Variants in PRDM16 observed in about 807,000 individuals in gnomAD.
PRDM16 encodes histone-lysine N-methyltransferase PRDM16.
A neutral mutation model predicts 110.6 loss-of-function variants in PRDM16; 23 were observed. The ratio of observed to expected loss-of-function variants is 0.21; its 90% CI spans 0.15 to 0.29. The LOEUF is 0.29. Ranked by LOEUF, PRDM16 falls within the 10% of genes least tolerant of loss-of-function variation. PRDM16 has a pLI of 1.00. For missense variants in PRDM16, 1,615 were observed against 1,794.3 expected, an observed-to-expected ratio of 0.90 and a Z score of 1.81; for synonymous variants, 799 against 781.8, an observed-to-expected ratio of 1.02 and a Z score of -0.37.
intron 1 of PRDM16, among the ~76,000 whole-genome samples, chr1:3,070,060 G>C (rs1237865974): frequency 6.6e-6 from 1 of 151,984 alleles, no homozygotes; most frequent in Admixed American, 6.5e-5. Flanking sequence ...CGGGGCGACA[G>C]TGCCTCCGAC....
chr1:3,214,467 C>T (rs1163448030), intron 2 of PRDM16, among the ~76,000 whole-genome samples: 6 of 152,154 alleles, frequency 3.9e-5, no homozygotes, highest in Non-Finnish European at 5.9e-5. Flanking sequence ...GAGGCCAAGA[C>T]GGGCAGATCA....
intron 10 of PRDM16, 49 bp from the exon 11 acceptor site, chr1:3,417,779 A>T (rs1370144539): frequency 6.4e-7 from 1 of 1,554,332 alleles, no homozygotes; most frequent in Non-Finnish European, 8.9e-7. Context: ...GCCCCTGAAG[A>T]CAGGTGAGAG....
intron 1 of PRDM16, among the ~76,000 whole-genome samples, chr1:3,089,878 C>A (rs1212142386): frequency 6.6e-6 from 1 of 152,132 alleles, no homozygotes; most frequent in African/African-American, 2.4e-5. Context: ...GCAGAGAAAG[C>A]TGCTCAGAAC....
intron 1 of PRDM16, among the ~76,000 whole-genome samples, chr1:3,178,016 C>G (rs1290744285): frequency 6.6e-6 from 1 of 152,156 alleles, no homozygotes; most frequent in East Asian, 1.9e-4. Flanking sequence ...GTCTTGCTGC[C>G]TCTGGGCAGG....
intron 1 of PRDM16, among the ~76,000 whole-genome samples, chr1:3,160,201 G>A (rs542842650): frequency 2.0e-5 from 3 of 152,308 alleles, no homozygotes; most frequent in South Asian, 4.1e-4. Flanking sequence ...GGGGATCCCC[G>A]GTGAGGCCGC....
chr1:3,182,670 G>T (rs895299893), intron 1 of PRDM16, among the ~76,000 whole-genome samples: 7 of 152,128 alleles, frequency 4.6e-5, no homozygotes, highest in African/African-American at 1.7e-4. Context: ...CAGCCAGCTC[G>T]GTCTCTGTCC....
chr1:3,427,449 C>T (rs1367920981), intron 14 of PRDM16, among the ~76,000 whole-genome samples: 1 of 152,180 alleles, frequency 6.6e-6, no homozygotes, highest in Non-Finnish European at 1.5e-5. Flanking sequence ...GCTCTGTACC[C>T]ACAGGGCCCA....
In PRDM16 at chr1:3,412,684, G is replaced by T; in HGVS notation, c.2487G>T (p.Gly829=). ...AGCCCCGCAAGAACCACGTCTATGG[G>T]GAACGCAAGCTGGGCGCCGGCGAGG... ...GREPRKNHVY[G]ERKLGAGEGL... The change falls in exon 9 of 17, where the codon GGG becomes GGT. Residue 829 remains glycine, a synonymous_variant. Transcript: ENST00000270722. The T allele has an allele frequency of 3.3e-6, 5 of 1,504,202 alleles. No individual in the cohort carries two copies. Among genetic ancestry groups the T allele is most frequent in the Non-Finnish European group, 3.5e-6 (4 of 1,127,298 alleles). 93.2% of individuals were successfully genotyped at this position (1,504,202 alleles called of 1,614,324 possible).
In PRDM16 at chr1:3,081,015, G is replaced by C. The variant is rs1642012994; in HGVS notation, c.37+11719G>C. 6.6e-6 allele frequency among the ~76,000 whole-genome samples: 1 copy of C among 152,028 alleles called. No homozygotes were observed. The highest frequency in any genetic ancestry group is 1.5e-5 in the Non-Finnish European group (1 of 68,008). ...TCATGAACAAAAGGCCTAAAAAAAA[G>C]CAGAGAGTAAGGGAGCTCAGAGAAT... is the stretch of plus-strand genomic sequence containing the variant. On this transcript the variant is annotated intron_variant, in intron 1 of 16. Coordinates refer to ENST00000270722, the MANE Select transcript of PRDM16 (RefSeq NM_022114.4). The surrounding 1 kb of genome is among the most constrained non-coding windows in gnomAD (Gnocchi z 4.6).
intron 1 of PRDM16, among the ~76,000 whole-genome samples, chr1:3,108,913 A>G (rs941121703): frequency 2.0e-5 from 3 of 151,774 alleles, no homozygotes; most frequent in Admixed American, 6.6e-5. Flanking sequence ...TAAAAAAAAA[A>G]AAATACAAAA....
At position 3,411,521 on chromosome 1, in the gene PRDM16, C is replaced by T. The variant is rs772868294; in HGVS notation, c.1324C>T (p.Arg442Trp). 3.1e-6 allele frequency: 5 copies of T among 1,614,156 alleles called. No homozygotes were observed. The highest frequency in any genetic ancestry group is 2.7e-5 in the African/African-American group (2 of 75,054). ...CACTACCTCCTCCCTCAACAAGCAC[C>T]GGCGCTTCTGCGAGGGCAAGAACCA... ...FSTTSSLNKH[R>W]RFCEGKNHYT... The change falls in exon 9 of 17, where the codon CGG (arginine) becomes TGG (tryptophan). Residue 442 changes from arginine to tryptophan, a missense_variant. Coordinates refer to ENST00000270722, the MANE Select transcript of PRDM16 (RefSeq NM_022114.4).
intron 1 of PRDM16, among the ~76,000 whole-genome samples, chr1:3,181,050 TC>T (rs1425388716): frequency 1.5e-5 from 2 of 132,930 alleles, no homozygotes; most frequent in Non-Finnish European, 3.3e-5. Flanking sequence ...ACACACGCAG[TC>T]TTACACGCGG....
intron 8 of PRDM16, among the ~76,000 whole-genome samples, chr1:3,409,880 G>C (rs1364004803): frequency 1.0e-5 from 1 of 99,330 alleles, no homozygotes; most frequent in Non-Finnish European, 1.9e-5. Flanking sequence ...CATGTGTGTG[G>C]TTGTGTGCAT....
At chr1:3,415,617 C>T (rs1419647438) in intron 10 of PRDM16, among the ~76,000 whole-genome samples, 3 of 152,226 alleles carry the variant, frequency 2.0e-5, no homozygotes, top group Non-Finnish European at 2.9e-5. Flanking sequence ...TTTGTTTGTG[C>T]GGGGAGCGAG....
intron 1 of PRDM16, among the ~76,000 whole-genome samples, chr1:3,084,091 C>T (rs543248287): frequency 1.3e-5 from 2 of 152,336 alleles, no homozygotes; most frequent in South Asian, 4.1e-4. Context: ...TGGGGACGAC[C>T]GAATCCCAGC....
intron 4 of PRDM16, among the ~76,000 whole-genome samples, chr1:3,387,341 C>T (rs1306016791): frequency 6.6e-6 from 1 of 152,218 alleles, no homozygotes; most frequent in Non-Finnish European, 1.5e-5. Flanking sequence ...GGGATTCGTT[C>T]TCTCTGTTTT....
At chr1:3,102,276 G>T (rs1406965660) in intron 1 of PRDM16, among the ~76,000 whole-genome samples, 1 of 152,176 alleles carries the variant, frequency 6.6e-6, no homozygotes, top group Non-Finnish European at 1.5e-5. Context: ...GGGAGGACCT[G>T]CCAGCACCTG....
chr1:3,207,501 G>A (rs776609021), intron 2 of PRDM16: 3 of 152,276 alleles, frequency 2.0e-5, no homozygotes, highest in Non-Finnish European at 2.9e-5. Context: ...AGCTGCCCAC[G>A]TGGCGGCAGC....
At chr1:3,091,712 C>T (rs1642280323) in intron 1 of PRDM16, among the ~76,000 whole-genome samples, 1 of 152,144 alleles carries the variant, frequency 6.6e-6, no homozygotes, top group Non-Finnish European at 1.5e-5. Flanking sequence ...CCCCACAGCC[C>T]TGCGGGGAGG....
Sources: allele counts gnomAD v4.1 joint callset (sites outside exome capture counted in the v4.1 genomes callset), GRCh38; gene constraint gnomAD v4.1.1; non-coding constraint Gnocchi (gnomAD v3.1); transcripts MANE v1.5; gene names NCBI Gene and HGNC (gene_info 2026-07-23, HGNC 2026-07-21).